SEMA3A: variants seen among roughly 807,000 people sequenced by gnomAD.
SEMA3A encodes the protein semaphorin-3A.
Under a neutral mutation model 97.9 loss-of-function variants are expected in SEMA3A, and 29 were observed. The observed-to-expected ratio is 0.30, with a 90% CI of 0.22 to 0.40. SEMA3A has a LOEUF of 0.40. Among genes scored for constraint, SEMA3A ranks in the 10% least tolerant of loss-of-function variants. SEMA3A has a pLI of 1.00. For missense variants in SEMA3A, 763 were observed against 951.3 expected (o/e 0.80, Z 2.60); for synonymous variants, 321 against 323.7 (o/e 0.99, Z 0.09).
rs181863967 is a variant in SEMA3A, at chr7:84,185,868, C to T, written c.112+8607G>A. 2.9e-4 allele frequency among the ~76,000 whole-genome samples: 44 copies of T among 152,076 alleles called. 1 individual carries two copies. The East Asian group carries it at 7.6e-3, about 26-fold the overall frequency. ...TTTTTTCCTTTGGTAAGAAATAACCCTGCTTCTGTATTTTGTAGATAAATT... is the reference window on the plus strand; with the variant it reads ...TTTTTTCCTTTGGTAAGAAATAACCTTGCTTCTGTATTTTGTAGATAAATT... On this transcript the variant is annotated intron_variant, in intron 1 of 16. Transcript: ENST00000265362.
intron 5 of SEMA3A, among the ~76,000 whole-genome samples, chr7:84,052,259 T>C (rs1792706478): frequency 6.6e-6 from 1 of 152,160 alleles, no homozygotes; most frequent in Non-Finnish European, 1.5e-5. Context: ...TCTTTTTCTA[T>C]TGATTGGAAT....
chr7:84,403,022 C>G (rs1234964195), intron 1 of SEMA3A, among the ~76,000 whole-genome samples: 1 of 152,090 alleles, frequency 6.6e-6, no homozygotes, highest in East Asian at 1.9e-4. Flanking sequence ...ATGGGTTCAT[C>G]TCACTGGGGA....
At chr7:83,967,688 G>T (rs1788755481) in intron 15 of SEMA3A, among the ~76,000 whole-genome samples, 1 of 152,148 alleles carries the variant, frequency 6.6e-6, no homozygotes, top group African/African-American at 2.4e-5. Context: ...CTGGGAAGCG[G>T]AGGTTGCAGT....
intron 2 of SEMA3A, among the ~76,000 whole-genome samples, chr7:84,366,815 AT>A (rs758426332): frequency 5.3e-5 from 8 of 151,302 alleles, no homozygotes; most frequent in Non-Finnish European, 8.9e-5. Context: ...CTAGTGGTAA[AT>A]TGCTATTCCA....
intron 1 of SEMA3A, among the ~76,000 whole-genome samples, chr7:84,416,969 C>T (rs751178793): frequency 6.6e-6 from 1 of 152,040 alleles, no homozygotes; most frequent in Admixed American, 6.6e-5. Context: ...TTTGCTTGTT[C>T]GTTAAGAATC....
At chr7:84,005,928 A>C (rs146909368) in intron 10 of SEMA3A, among the ~76,000 whole-genome samples, 1,978 of 152,316 alleles carry the variant, frequency 0.013, 18 homozygotes, top group Middle Eastern at 0.048. Context: ...TAGCCTAAGC[A>C]ATAGAACAAG....
At chr7:84,393,301 CT>C (rs1241490853) in intron 1 of SEMA3A, among the ~76,000 whole-genome samples, 1 of 152,016 alleles carries the variant, frequency 6.6e-6, no homozygotes, top group African/African-American at 2.4e-5. Context: ...ATTGAAGAGT[CT>C]TTTTTCCATT....
intron 1 of SEMA3A, 43 bp from the exon 2 acceptor site, chr7:84,134,994 A>G: frequency 1.3e-6 from 2 of 1,533,122 alleles, no homozygotes; most frequent in Non-Finnish European, 1.8e-6. Context: ...AATGTGAAGC[A>G]CTATATAAGC....
At chr7:84,144,296 G>T (rs1448837883) in intron 1 of SEMA3A, among the ~76,000 whole-genome samples, 1 of 151,988 alleles carries the variant, frequency 6.6e-6, no homozygotes, top group Non-Finnish European at 1.5e-5. Context: ...GTCAGAAGGA[G>T]GAAATAAGTT....
intron 6 of SEMA3A, among the ~76,000 whole-genome samples, chr7:84,015,076 A>G (rs1417031557): frequency 2.0e-5 from 3 of 152,158 alleles, no homozygotes; most frequent in South Asian, 2.1e-4. Flanking sequence ...CACGACAGCC[A>G]GAATGAACCT....
intron 3 of SEMA3A, among the ~76,000 whole-genome samples, chr7:84,235,130 A>G (rs1799204952): frequency 6.6e-6 from 1 of 152,092 alleles, no homozygotes. Context: ...CAAATTATCC[A>G]AAGACAAATA....
intron 5 of SEMA3A, among the ~76,000 whole-genome samples, chr7:84,054,372 T>C (rs1044861752): frequency 3.8e-4 from 58 of 151,998 alleles, no homozygotes; most frequent in African/African-American, 1.3e-3. Context: ...GATTTGGTCT[T>C]TTCACATAGT....
intron 3 of SEMA3A, among the ~76,000 whole-genome samples, chr7:84,201,711 T>G (rs1191835082): frequency 6.6e-6 from 1 of 152,154 alleles, no homozygotes; most frequent in Non-Finnish European, 1.5e-5. Flanking sequence ...TGAAAATCAA[T>G]CAACATAAAT....
intron 3 of SEMA3A, among the ~76,000 whole-genome samples, chr7:84,253,461 G>T (rs567013802): frequency 6.6e-6 from 1 of 152,112 alleles, no homozygotes; most frequent in East Asian, 1.9e-4. Context: ...CAGTTTTGTA[G>T]AGATAAAATG....
upstream of SEMA3A, chr7:84,195,458 T>C (rs1798202013): frequency 6.6e-6 from 1 of 151,740 alleles, no homozygotes; most frequent in Non-Finnish European, 1.5e-5. Flanking sequence ...TGTCTATATA[T>C]CCTCATCAAT....
chr7:84,152,792 A>T (rs921776287), intron 1 of SEMA3A, among the ~76,000 whole-genome samples: 5 of 152,084 alleles, frequency 3.3e-5, no homozygotes, highest in African/African-American at 1.2e-4. Flanking sequence ...AGATTTTAAA[A>T]ATGTATTTTA....
chr7:84,118,802 G>A (rs12707618), intron 3 of SEMA3A, among the ~76,000 whole-genome samples: 74,122 of 151,902 alleles, frequency 0.49, 19,233 homozygotes, highest in East Asian at 0.69. Flanking sequence ...ACAACTTCAC[G>A]CCCACTACCT....
intron 1 of SEMA3A, among the ~76,000 whole-genome samples, chr7:84,400,475 C>T (rs773590292): frequency 5.9e-5 from 9 of 151,826 alleles, no homozygotes; most frequent in Non-Finnish European, 1.3e-4. Context: ...AATTTTGGAG[C>T]CACAAAATAA....
intron 3 of SEMA3A, among the ~76,000 whole-genome samples, chr7:84,249,556 T>A (rs1562871325): frequency 6.6e-6 from 1 of 152,050 alleles, no homozygotes; most frequent in East Asian, 1.9e-4. Flanking sequence ...TTTCAGTAAA[T>A]AATATATCAA....
Sources: allele counts gnomAD v4.1 joint callset (sites outside exome capture counted in the v4.1 genomes callset), GRCh38; gene constraint gnomAD v4.1.1; transcripts MANE v1.5; gene names NCBI Gene and HGNC (gene_info 2026-07-23, HGNC 2026-07-21).